MFSD6: variants seen among roughly 807,000 people sequenced by gnomAD.
The protein encoded by MFSD6 is major facilitator superfamily domain-containing protein 6.
A neutral mutation model predicts 56.3 loss-of-function variants in MFSD6; 26 were observed. That is an observed-to-expected ratio of 0.46 (90% CI 0.34 to 0.64). The LOEUF (loss-of-function observed/expected upper bound fraction) is 0.64, where lower values mean the gene tolerates loss of function less well. MFSD6 is among the 30% of genes least tolerant of loss of function. MFSD6 has a pLI of 0.01. For missense variants in MFSD6, 750 were observed against 986.2 expected, an observed-to-expected ratio of 0.76 and a Z score of 3.21; for synonymous variants, 331 against 366.9, an observed-to-expected ratio of 0.90 and a Z score of 1.12.
Position 190,412,622 on chromosome 2 carries a change from T to A in MFSD6, c.-175-2670T>A, listed in dbSNP as rs1276977491. On this transcript the variant is annotated intron_variant, in intron 1 of 7. Transcript: ENST00000392328. This position sits in a 1 kb window ranked among gnomAD's most constrained non-coding sequence, Gnocchi z 4.1. ...GGGGCAATGAAAACACCTTAATGCC[T>A]CCACCAAGAACATTTCCTTTGAGTT... The A allele has an allele frequency of 1.0e-6, 1 of 982,920 alleles. No individual in the cohort carries two copies. Among genetic ancestry groups the A allele is most frequent in the Non-Finnish European group, 1.2e-6 (1 of 827,648 alleles). 60.9% of individuals were successfully genotyped at this position (982,920 alleles called of 1,614,324 possible). A position where few individuals can be genotyped will look rare whatever the true frequency, so the allele number is the denominator to read the frequency against.
chr2:190,464,596 G>C (rs1371758587), intron 3 of MFSD6, among the ~76,000 whole-genome samples: 1 of 152,142 alleles, frequency 6.6e-6, no homozygotes, highest in Non-Finnish European at 1.5e-5. Flanking sequence ...TGTTCGCTTT[G>C]TTTCCTCTGC....
chr2:190,411,063 GAAAA>G (rs1275550515), intron 1 of MFSD6: 2 of 615,460 alleles, frequency 3.2e-6, no homozygotes, highest in African/African-American at 4.6e-5. Context: ...TCAAAAAAAA[GAAAA>G]AAAAAAACTA....
At chr2:190,442,803 T>G (rs1192249499) in intron 3 of MFSD6, 2 of 152,094 alleles carry the variant, frequency 1.3e-5, no homozygotes, top group Non-Finnish European at 2.9e-5. Context: ...TGACACAATA[T>G]TGTAAGTCTG....
rs1686759452 is a variant in MFSD6 at position 190,451,048 on chromosome 2, G to A, written c.1532+13487G>A. Among the ~76,000 whole-genome samples the A allele has an allele frequency of 6.6e-6, 1 of 152,182 alleles. No homozygotes were observed. The highest frequency in any genetic ancestry group is 1.5e-5 in the Non-Finnish European group (1 of 68,028). On this transcript the variant is annotated intron_variant, in intron 3 of 7. Coordinates refer to ENST00000392328, the MANE Select transcript of MFSD6 (RefSeq NM_017694.4). The surrounding 1 kb of genome is among the most constrained non-coding windows in gnomAD (Gnocchi z 5.0). Reference sequence around the variant, plus strand: ...GAAGAGAGCAAGTTGGTCTAGGCTTGACTCCAGTCATCATCCTAAGCCCTG... The same window carrying A: ...GAAGAGAGCAAGTTGGTCTAGGCTTAACTCCAGTCATCATCCTAAGCCCTG...
rs147503097 is a variant in MFSD6 at position 190,465,683 on chromosome 2, C to T, written c.1533-4075C>T. Among the ~76,000 whole-genome samples, 3 of 152,278 alleles carry T rather than the reference C, an allele frequency of 2.0e-5. No individual in the cohort carries two copies. The highest frequency in any genetic ancestry group is 1.3e-4 in the Admixed American group (2 of 15,294). On this transcript the variant is annotated intron_variant, in intron 3 of 7. Coordinates refer to ENST00000392328, the MANE Select transcript of MFSD6 (RefSeq NM_017694.4). The surrounding 1 kb of genome is among the most constrained non-coding windows in gnomAD (Gnocchi z 4.6). ...TTGGGTTACCACAAAGTACCACGGT[C>T]TGGGTGGCTTAAAAAACAGAAGTTT...
At chr2:190,421,359 A>G (rs1170336349) in intron 2 of MFSD6, among the ~76,000 whole-genome samples, 2 of 152,234 alleles carry the variant, frequency 1.3e-5, no homozygotes, top group African/African-American at 4.8e-5. Context: ...AGTCAGTGAT[A>G]GAAGGGTGTT....
chr2:190,437,710 C>T lies in MFSD6; in HGVS notation c.1532+149C>T. 1 of 1,007,746 alleles carries T rather than the reference C, an allele frequency of 9.9e-7. No individual in the cohort carries two copies. The highest frequency in any genetic ancestry group is 1.4e-6 in the Non-Finnish European group (1 of 710,862). The allele number at this position is 1,007,746 out of a possible 1,614,324, so 62.4% of individuals were successfully genotyped here. A position where few individuals can be genotyped will look rare whatever the true frequency, so the allele number is the denominator to read the frequency against. ...ATGGGGATTTCTGTTTCTTTTCCTC[C>T]TTAAAATAGAAACAAAGGAAAGGAA... On this transcript the variant is annotated intron_variant, in intron 3 of 7. Coordinates refer to ENST00000392328, the MANE Select transcript of MFSD6 (RefSeq NM_017694.4). This position sits in a 1 kb window ranked among gnomAD's most constrained non-coding sequence, Gnocchi z 5.9.
rs1690738661 is a variant in MFSD6 at position 190,415,505 on chromosome 2, A to G, written c.-54+92A>G. On this transcript the variant is annotated intron_variant, in intron 2 of 7. Transcript: ENST00000392328. The surrounding 1 kb of genome is among the most constrained non-coding windows in gnomAD (Gnocchi z 4.5). ...TGCTGGTCTTAAACTCCTGGCTTCAAGTGATCCTCCCGCCTCTGTCTCCCA... is the reference window on the plus strand; with the variant it reads ...TGCTGGTCTTAAACTCCTGGCTTCAGGTGATCCTCCCGCCTCTGTCTCCCA... The G allele has an allele frequency of 6.6e-6, 1 of 152,100 alleles. No individual in the cohort carries two copies. The highest frequency in any genetic ancestry group is 6.5e-5 in the Admixed American group (1 of 15,274). The allele number at this position is 152,100 out of a possible 1,614,324, so 9.4% of individuals were successfully genotyped here. A position where few individuals can be genotyped will look rare whatever the true frequency, so the allele number is the denominator to read the frequency against.
rs1297900227 is a variant in MFSD6 at position 190,437,016 on chromosome 2, G to A, written c.987G>A (p.Met329Ile). The stretch of plus-strand genomic sequence containing the variant: ...GAGATCGCTATGGGTTGCAGCGCAT[G>A]TGGGGCTCCCTGGGCTGGGGCCTGG... Reference protein sequence around the residue: ...KHRDRYGLQRMWGSLGWGLAM... With the variant: ...KHRDRYGLQRIWGSLGWGLAM... The change falls in exon 3 of 8, where the codon ATG (methionine) becomes ATA (isoleucine). Residue 329 changes from methionine to isoleucine, a missense_variant. Met to Ile is a conservative substitution (Grantham distance 10). Around this residue, in one of 5 missense-constraint regions of MFSD6, gnomAD observed 376 missense variants for 437.9 expected, o/e 0.86. Transcript: ENST00000392328. This position sits in a 1 kb window ranked among gnomAD's most constrained non-coding sequence, Gnocchi z 5.9. 2 of 1,614,118 alleles carry A rather than the reference G, an allele frequency of 1.2e-6. No individual in the cohort carries two copies. The highest frequency in any genetic ancestry group is 1.7e-6 in the Non-Finnish European group (2 of 1,180,056).
Position 190,502,102 on chromosome 2 carries a change from G to A in MFSD6, c.*1884G>A, listed in dbSNP as rs1462938513. 6.6e-6 allele frequency: 1 copy of A among 152,596 alleles called. No individual in the cohort carries two copies. Among genetic ancestry groups the A allele is most frequent in the Non-Finnish European group, 1.5e-5 (1 of 68,024 alleles). The allele number at this position is 152,596 out of a possible 1,614,324, so 9.5% of individuals were successfully genotyped here. A position where few individuals can be genotyped will look rare whatever the true frequency, so the allele number is the denominator to read the frequency against. The stretch of plus-strand genomic sequence containing the variant: ...AATGTTTCTTAAATGATAAAGATGT[G>A]ACCAAACAAAAGTCCTATACTCTAA... On this transcript the variant is annotated 3_prime_UTR_variant, in exon 8 of 8. Coordinates refer to ENST00000392328, the MANE Select transcript of MFSD6 (RefSeq NM_017694.4). The surrounding 1 kb of genome is among the most constrained non-coding windows in gnomAD (Gnocchi z 4.4).
intron 3 of MFSD6, among the ~76,000 whole-genome samples, chr2:190,440,229 T>C (rs1362295518): frequency 6.6e-6 from 1 of 152,186 alleles, no homozygotes; most frequent in Non-Finnish European, 1.5e-5. Flanking sequence ...TTTTTAAAAA[T>C]AGCATGTCCA....
intron 4 of MFSD6, among the ~76,000 whole-genome samples, chr2:190,484,659 T>A (rs897426467): frequency 6.6e-6 from 1 of 152,192 alleles, no homozygotes; most frequent in Non-Finnish European, 1.5e-5. Flanking sequence ...CATGTTCCAG[T>A]TTATGAACGA....
chr2:190,468,668 A>G (rs1687738966), intron 3 of MFSD6, among the ~76,000 whole-genome samples: 1 of 145,488 alleles, frequency 6.9e-6, no homozygotes, highest in African/African-American at 2.6e-5. Flanking sequence ...TATGTTGCCC[A>G]GGCTGGTCTT....
At chr2:190,419,290 G>A (rs1690913959) in intron 2 of MFSD6, among the ~76,000 whole-genome samples, 1 of 152,226 alleles carries the variant, frequency 6.6e-6, no homozygotes, top group South Asian at 2.1e-4. Flanking sequence ...TAGTTTCCCT[G>A]TGTCTATACT....
rs1383343504 is a variant in MFSD6 at position 190,471,869 on chromosome 2, C to CAGA, written c.1630+2014_1630+2015insAGA. 6.6e-6 allele frequency among the ~76,000 whole-genome samples: 1 copy of CAGA among 152,184 alleles called. No homozygotes were observed. Among genetic ancestry groups the CAGA allele is most frequent in the East Asian group, 1.9e-4 (1 of 5,198 alleles). ...AGGGGCAGACTGATAACTCATACGG[C>CAGA]CGGGTACCCCTCTGAGACAAAACTT... is the stretch of plus-strand genomic sequence containing the variant. On this transcript the variant is annotated intron_variant, in intron 4 of 7. Coordinates refer to ENST00000392328, the MANE Select transcript of MFSD6 (RefSeq NM_017694.4). The surrounding 1 kb of genome is among the most constrained non-coding windows in gnomAD (Gnocchi z 4.7).
chr2:190,445,196 A>C (rs1686529790), intron 3 of MFSD6, among the ~76,000 whole-genome samples: 1 of 152,296 alleles, frequency 6.6e-6, no homozygotes, highest in Admixed American at 6.5e-5. Context: ...TCTCATATTA[A>C]AGAGAATTAC....
At chr2:190,460,615 A>G (rs1420784017) in intron 3 of MFSD6, among the ~76,000 whole-genome samples, 1 of 152,248 alleles carries the variant, frequency 6.6e-6, no homozygotes, top group Admixed American at 6.5e-5. Context: ...CCCTGCATGC[A>G]GAATGCAGTC....
rs144599706 is a variant in MFSD6 at position 190,478,712 on chromosome 2, A to G, written c.1630+8857A>G. On this transcript the variant is annotated intron_variant, in intron 4 of 7. Transcript: ENST00000392328. ...GTTACTTGTTGATTGCCAAAGACCT[A>G]GTCTGGGGAAGGGGAAGGCTGGGGA... Among the ~76,000 whole-genome samples, 15 of 152,236 alleles carry G rather than the reference A, an allele frequency of 9.9e-5. No homozygotes were observed. In the East Asian group the frequency reaches 2.7e-3, roughly 27 times the overall value.
rs576329332 is a variant in MFSD6 at position 190,475,149 on chromosome 2, T to A, written c.1630+5294T>A. Among the ~76,000 whole-genome samples the A allele has an allele frequency of 2.3e-3, 356 of 152,258 alleles. 1 individual carries two copies. The highest frequency in any genetic ancestry group is 7.9e-3 in the African/African-American group (329 of 41,534). On this transcript the variant is annotated intron_variant, in intron 4 of 7. Transcript: ENST00000392328. ...AACTGGAAGCATTCCCTTTGAAAAC[T>A]GACACAAGACAGGGATGCCCTCTCT...
Sources: gnomAD v4.1 joint callset for allele counts (sites outside exome capture counted in the v4.1 genomes callset) on GRCh38, gnomAD v4.1.1 for gene constraint, gnomAD v4.1.1 regional missense constraint, Gnocchi (gnomAD v3.1) non-coding constraint, MANE v1.5 for transcripts, NCBI Gene and HGNC (gene_info 2026-07-23, HGNC 2026-07-21) for gene names.